Variants in CAMTA1 observed in about 807,000 individuals in gnomAD.
CAMTA1 encodes calmodulin-binding transcription activator 1.
Under a neutral mutation model 170.9 loss-of-function variants are expected in CAMTA1, and 27 were observed. The ratio of observed to expected loss-of-function variants is 0.16; its 90% CI spans 0.12 to 0.22. CAMTA1 has a LOEUF of 0.22. CAMTA1 is among the 10% of genes least tolerant of loss of function. The probability of loss-of-function intolerance (pLI) is 1.00; values close to 1 mark genes in which losing one functional copy is unlikely to be tolerated. For synonymous variants in CAMTA1, 833 were observed against 891.5 expected, an observed-to-expected ratio of 0.93 and a Z score of 1.17; for missense variants, 1,619 against 2,217.2, an observed-to-expected ratio of 0.73 and a Z score of 5.42.
intron 4 of CAMTA1, among the ~76,000 whole-genome samples, chr1:7,156,143 T>G: frequency 6.7e-6 from 1 of 150,258 alleles, no homozygotes; most frequent in African/African-American, 2.4e-5. Context: ...CCAGATGTGG[T>G]GGCACGTGTG....
chr1:6,870,701 T>C (rs1334858721), intron 3 of CAMTA1, among the ~76,000 whole-genome samples: 2 of 152,200 alleles, frequency 1.3e-5, no homozygotes, highest in Admixed American at 1.3e-4. Flanking sequence ...AACTAAGTTC[T>C]TTTTCCTGGT....
intron 1 of CAMTA1, among the ~76,000 whole-genome samples, chr1:6,793,017 T>C (rs1188397935): frequency 6.6e-6 from 1 of 152,096 alleles, no homozygotes; most frequent in African/African-American, 2.4e-5. Flanking sequence ...ATACCACTCA[T>C]ATATATCTTA....
At chr1:7,704,299 A>C (rs2096479873) in intron 11 of CAMTA1, among the ~76,000 whole-genome samples, 7 of 142,654 alleles carry the variant, frequency 4.9e-5, no homozygotes, top group South Asian at 2.2e-4. Context: ...GGGAAGGGGA[A>C]CGGGAGGCCC....
rs1478520464 is a variant in CAMTA1, at chr1:7,113,034, C to A, written c.302+21663C>A. Among the ~76,000 whole-genome samples the A allele has an allele frequency of 6.6e-6, 1 of 152,222 alleles. No individual in the cohort carries two copies. The highest frequency in any genetic ancestry group is 2.4e-5 in the African/African-American group (1 of 41,454). On this transcript the variant is annotated intron_variant, in intron 4 of 22. Transcript: ENST00000303635. The surrounding 1 kb of genome is among the most constrained non-coding windows in gnomAD (Gnocchi z 4.5). ...GTCTGCTTTTCAGGTACTCTGGTTC[C>A]ATCTCTTCCGGCCTTTGCATGTGGG...
At chr1:6,992,621 G>A (rs1415308351) in intron 3 of CAMTA1, among the ~76,000 whole-genome samples, 1 of 152,204 alleles carries the variant, frequency 6.6e-6, no homozygotes, top group Non-Finnish European at 1.5e-5. Context: ...TGTGGCTGGG[G>A]ATGCCTCAGG....
At chr1:7,035,330 G>A (rs536377820) in intron 3 of CAMTA1, among the ~76,000 whole-genome samples, 33 of 152,150 alleles carry the variant, frequency 2.2e-4, no homozygotes, top group African/African-American at 7.7e-4. Context: ...AACCTGGAAG[G>A]CAGAGGTTGC....
At position 6,817,430 on chromosome 1, in the gene CAMTA1, A is replaced by G. The variant is rs552550261; in HGVS notation, c.46-2751A>G. On this transcript the variant is annotated intron_variant, in intron 1 of 22. Coordinates refer to ENST00000303635, the MANE Select transcript of CAMTA1 (RefSeq NM_015215.4). ...GTTACTGGTGACTCTTAAAGATGTT[A>G]CAAGAAGTCAGCGTGCTGCTGACTT... 3.9e-5 allele frequency among the ~76,000 whole-genome samples: 6 copies of G among 152,334 alleles called. No homozygotes were observed. The East Asian group carries it at 1.2e-3, about 29-fold the overall frequency.
intron 3 of CAMTA1, among the ~76,000 whole-genome samples, chr1:6,929,614 C>T (rs1040813438): frequency 3.3e-5 from 5 of 152,180 alleles, no homozygotes; most frequent in African/African-American, 7.2e-5. Flanking sequence ...CCGCCCGCCT[C>T]GGCTTCCCAA....
chr1:7,113,985 C>T lies in CAMTA1; in HGVS notation c.302+22614C>T, dbSNP rs1181009020. On this transcript the variant is annotated intron_variant, in intron 4 of 22. Transcript: ENST00000303635. The surrounding 1 kb of genome is among the most constrained non-coding windows in gnomAD (Gnocchi z 4.5). ...TCGGATTCTTCAGGGCTGGCCTTCC[C>T]TCTTCACAGCCCCTCCCACCACTGC... 6.6e-6 allele frequency among the ~76,000 whole-genome samples: 1 copy of T among 152,182 alleles called. No individual in the cohort carries two copies. The highest frequency in any genetic ancestry group is 1.5e-5 in the Non-Finnish European group (1 of 68,030).
intron 5 of CAMTA1, among the ~76,000 whole-genome samples, chr1:7,298,946 G>A (rs1674371612): frequency 6.6e-6 from 1 of 152,098 alleles, no homozygotes; most frequent in African/African-American, 2.4e-5. Context: ...AAGGGTTTTG[G>A]ACTCAACTGT....
chr1:7,287,268 G>T (rs959862165), intron 5 of CAMTA1, among the ~76,000 whole-genome samples: 1 of 152,188 alleles, frequency 6.6e-6, no homozygotes, highest in East Asian at 1.9e-4. Flanking sequence ...TCTGCAGAAT[G>T]CATGGCAGTG....
chr1:7,486,819 C>A (rs1318991280), intron 6 of CAMTA1, among the ~76,000 whole-genome samples: 2 of 152,194 alleles, frequency 1.3e-5, no homozygotes, highest in Non-Finnish European at 2.9e-5. Flanking sequence ...AAGGCAGGAT[C>A]TGAGGGAAGG....
chr1:7,655,105 T>TACACACCC (rs1371456469), intron 7 of CAMTA1, among the ~76,000 whole-genome samples: 2 of 16,150 alleles, frequency 1.2e-4, no homozygotes, highest in African/African-American at 1.7e-4. Context: ...CACACACCTA[T>TACACACCC]ACACACACCT....
intron 4 of CAMTA1, among the ~76,000 whole-genome samples, chr1:7,149,638 C>T (rs1319925051): frequency 6.6e-6 from 1 of 152,150 alleles, no homozygotes; most frequent in Non-Finnish European, 1.5e-5. Flanking sequence ...TTTAGCTAGT[C>T]CCCGACACAC....
rs916292121 is a variant in CAMTA1 at position 7,234,912 on chromosome 1, G to C, written c.303-14579G>C. Among the ~76,000 whole-genome samples the C allele has an allele frequency of 2.0e-5, 3 of 151,264 alleles. No individual in the cohort carries two copies. Among genetic ancestry groups the C allele is most frequent in the Non-Finnish European group, 4.4e-5 (3 of 67,914 alleles). On this transcript the variant is annotated intron_variant, in intron 4 of 22. Coordinates refer to ENST00000303635, the MANE Select transcript of CAMTA1 (RefSeq NM_015215.4). This position sits in a 1 kb window ranked among gnomAD's most constrained non-coding sequence, Gnocchi z 5.0. ...AGCGATTCTTGCACCTCAGCCTCAT[G>C]AGTAGCTGGGATTAAAAGCACCTGC...
At chr1:6,984,762 G>A (rs1473236371) in intron 3 of CAMTA1, among the ~76,000 whole-genome samples, 7 of 152,166 alleles carry the variant, frequency 4.6e-5, no homozygotes, top group African/African-American at 1.7e-4. Context: ...CTCAGCTGCC[G>A]ATGGCTGGGT....
chr1:7,021,787 A>C (rs921631661), intron 3 of CAMTA1, among the ~76,000 whole-genome samples: 2 of 152,202 alleles, frequency 1.3e-5, no homozygotes, highest in Non-Finnish European at 2.9e-5. Context: ...ATGTTTTTGA[A>C]TATTTAACTT....
In CAMTA1 at chr1:7,028,641, C is replaced by T. The variant is rs940720096; in HGVS notation, c.235-62663C>T. Among the ~76,000 whole-genome samples, 10 of 152,236 alleles carry T rather than the reference C, an allele frequency of 6.6e-5. 1 individual carries two copies. Among genetic ancestry groups the T allele is most frequent in the Admixed American group, 5.9e-4 (9 of 15,290 alleles). On this transcript the variant is annotated intron_variant, in intron 3 of 22. Transcript: ENST00000303635. ...GCCCCACTCTGGCCTCCCTGGAGCA[C>T]TGTCCATTCACATGCCCAACCTGTT...
intron 6 of CAMTA1, among the ~76,000 whole-genome samples, chr1:7,628,508 C>T (rs1023942784): frequency 9.2e-5 from 14 of 152,236 alleles, no homozygotes; most frequent in African/African-American, 1.9e-4. Flanking sequence ...GCCACGTGGC[C>T]GTGAGCAGAT....
Sources: allele counts gnomAD v4.1 joint callset (sites outside exome capture counted in the v4.1 genomes callset), GRCh38; gene constraint gnomAD v4.1.1; non-coding constraint Gnocchi (gnomAD v3.1); transcripts MANE v1.5; gene names NCBI Gene and HGNC (gene_info 2026-07-23, HGNC 2026-07-21).